VPS37B: variants seen among roughly 807,000 people sequenced by gnomAD.
The protein encoded by VPS37B is VPS37B subunit of ESCRT-I, also known as vacuolar protein sorting-associated protein 37B.
VPS37B carries 11 observed loss-of-function variants against 21.2 expected under a neutral mutation model. That is an observed-to-expected ratio of 0.52 (90% CI 0.33 to 0.86). The LOEUF (loss-of-function observed/expected upper bound fraction) is 0.86, where lower values mean the gene tolerates loss of function less well. VPS37B is among the 40% of genes least tolerant of loss of function. The probability of loss-of-function intolerance (pLI) is 0.03; values close to 1 mark genes in which losing one functional copy is unlikely to be tolerated. For synonymous variants in VPS37B, 175 were observed against 159.6 expected, an observed-to-expected ratio of 1.10 and a Z score of -0.73; for missense variants, 389 against 374.8, an observed-to-expected ratio of 1.04 and a Z score of -0.31.
chr12:122,871,975 C>G lies in VPS37B; in HGVS notation c.112-914G>C, dbSNP rs79799335. 17 of 985,298 alleles carry G rather than the reference C, an allele frequency of 1.7e-5. No individual in the cohort carries two copies. In the African/African-American group the frequency reaches 3.0e-4, roughly 17 times the overall value. The allele number at this position is 985,298 out of a possible 1,614,324, so 61.0% of individuals were successfully genotyped here. A position where few individuals can be genotyped will look rare whatever the true frequency, so the allele number is the denominator to read the frequency against. The stretch of plus-strand genomic sequence containing the variant: ...CCACACCGTCAGTTTCAACAGCATG[C>G]GATTCCTTACCCAGCGTGTGTCCCT... On this transcript the variant is annotated intron_variant, in intron 1 of 3. Transcript: ENST00000267202.
rs1035675009 is a variant in VPS37B at position 122,866,839 on chromosome 12, T to C, written c.*277A>G. 9 of 378,398 alleles carry C rather than the reference T, an allele frequency of 2.4e-5. No homozygotes were observed. Among genetic ancestry groups the C allele is most frequent in the Non-Finnish European group, 4.2e-5 (9 of 213,200 alleles). The allele number at this position is 378,398 out of a possible 1,614,324, so 23.4% of individuals were successfully genotyped here. A position where few individuals can be genotyped will look rare whatever the true frequency, so the allele number is the denominator to read the frequency against. ...GGAGAGGCCTATTTCTTCCCAAACA[T>C]GAGTTCATCAACGCTAAGATACTTA... On this transcript the variant is annotated 3_prime_UTR_variant, in exon 4 of 4. Transcript: ENST00000267202.
At chr12:122,869,547 G>A (rs2033981037) in intron 2 of VPS37B, among the ~76,000 whole-genome samples, 1 of 152,346 alleles carries the variant, frequency 6.6e-6, no homozygotes, top group Non-Finnish European at 1.5e-5. Flanking sequence ...AGTTAATGGA[G>A]AAAATGACAA....
In VPS37B at chr12:122,867,503, C is replaced by T. The variant is rs368745161; in HGVS notation, c.471G>A (p.Glu157=). The T allele has an allele frequency of 6.2e-7, 1 of 1,614,108 alleles. No individual in the cohort carries two copies. Among genetic ancestry groups the T allele is most frequent in the Admixed American group, 1.7e-5 (1 of 60,030 alleles). ...KLAHMRRVKI[E]KLQEMVLKGQ... is the part of the protein sequence containing the mutation. ...CCTTTAGGACCATCTCCTGGAGCTT[C>T]TCGATTTTCACCCGTCGCATGTGGG... The change falls in exon 4 of 4, where the codon GAG becomes GAA. Residue 157 remains glutamate, a synonymous_variant. Coordinates refer to ENST00000267202, the MANE Select transcript of VPS37B (RefSeq NM_024667.3). The surrounding 1 kb of genome is among the most constrained non-coding windows in gnomAD (Gnocchi z 5.5).
rs2033936302 is a variant in VPS37B at position 122,867,729 on chromosome 12, C to T, written c.367-122G>A. The T allele has an allele frequency of 4.6e-6, 6 of 1,311,706 alleles. No homozygotes were observed. Among genetic ancestry groups the T allele is most frequent in the South Asian group, 3.7e-5 (3 of 80,778 alleles). The allele number at this position is 1,311,706 out of a possible 1,614,324, so 81.3% of individuals were successfully genotyped here. ...CAACACTGCCCCCTCCCTGTAACCA[C>T]CCAGAGGGCCTCGCTCCTGCTCCAG... On this transcript the variant is annotated intron_variant, in intron 3 of 3. Coordinates refer to ENST00000267202, the MANE Select transcript of VPS37B (RefSeq NM_024667.3). This position sits in a 1 kb window ranked among gnomAD's most constrained non-coding sequence, Gnocchi z 5.5.
Position 122,867,636 on chromosome 12 carries a change from G to A in VPS37B, c.367-29C>T, listed in dbSNP as rs1416769941. On this transcript the variant is annotated intron_variant, in intron 3 of 3. Transcript: ENST00000267202. This position sits in a 1 kb window ranked among gnomAD's most constrained non-coding sequence, Gnocchi z 5.5. The stretch of plus-strand genomic sequence containing the variant: ...AAAGAGGCAGAAACCTGGTTACAGG[G>A]ACAGCCAGATGGGGAGGATGCTCCC... The A allele has an allele frequency of 6.2e-7, 1 of 1,606,734 alleles. No homozygotes were observed.
At chr12:122,891,751 C>T (rs2034414199) in intron 1 of VPS37B, among the ~76,000 whole-genome samples, 1 of 152,216 alleles carries the variant, frequency 6.6e-6, no homozygotes, top group Admixed American at 6.5e-5. Flanking sequence ...AAGGTCAATA[C>T]ATTTCAATGA....
rs776518751 is a variant in VPS37B at position 122,870,991 on chromosome 12, A to C, written c.182T>G (p.Leu61Trp). ...SNRSLAEGNL[L>W]YQPQLDTLKA... ...CAACGTGTCCAGCTGGGGCTGGTAC[A>C]AAAGGTTTCCTTCTGCCAGGCTCCG... The change falls in exon 2 of 4, where the codon TTG (leucine) becomes TGG (tryptophan). Residue 61 changes from leucine (L) to tryptophan (W), a missense_variant. Coordinates refer to ENST00000267202, the MANE Select transcript of VPS37B (RefSeq NM_024667.3). 2.1e-5 allele frequency: 34 copies of C among 1,614,110 alleles called. No homozygotes were observed. The highest frequency in any genetic ancestry group is 2.9e-5 in the Non-Finnish European group (34 of 1,180,038).
chr12:122,883,788 A>G (rs1012976269), intron 1 of VPS37B: 20 of 152,360 alleles, frequency 1.3e-4, no homozygotes, highest in African/African-American at 4.6e-4. Flanking sequence ...CAGAAGACAT[A>G]TTTTCTAATA....
At chr12:122,886,352 G>C (rs947717580) in intron 1 of VPS37B, 1 of 152,202 alleles carries the variant, frequency 6.6e-6, no homozygotes, top group African/African-American at 2.4e-5. Context: ...CCGGTGTGGT[G>C]GCTCACGCCT....
At chr12:122,876,030 T>G (rs1272862736) in intron 1 of VPS37B, 2 of 152,154 alleles carry the variant, frequency 1.3e-5, no homozygotes, top group Non-Finnish European at 2.9e-5. Context: ...TTCTTATAAA[T>G]TTACTCAGTT....
Position 122,867,059 on chromosome 12 carries a change from G to C in VPS37B, c.*57C>G. The C allele has an allele frequency of 1.4e-6, 2 of 1,463,518 alleles. No individual in the cohort carries two copies. The highest frequency in any genetic ancestry group is 1.8e-6 in the Non-Finnish European group (2 of 1,108,804). 90.7% of individuals were successfully genotyped at this position (1,463,518 alleles called of 1,614,324 possible). ...AGCGGACCTCCAGCCTCCTTCCCGT[G>C]AGCAGAGCACAACACGCCAGGTGGA... On this transcript the variant is annotated 3_prime_UTR_variant, in exon 4 of 4. Transcript: ENST00000267202. This position sits in a 1 kb window ranked among gnomAD's most constrained non-coding sequence, Gnocchi z 5.5.
At chr12:122,891,289 T>C (rs2034407234) in intron 1 of VPS37B, among the ~76,000 whole-genome samples, 1 of 152,188 alleles carries the variant, frequency 6.6e-6, no homozygotes, top group South Asian at 2.1e-4. Flanking sequence ...ATTCTGAAAA[T>C]TGCATCTTAA....
At chr12:122,869,797 C>A (rs940004229) in intron 2 of VPS37B, among the ~76,000 whole-genome samples, 5 of 151,794 alleles carry the variant, frequency 3.3e-5, no homozygotes, top group African/African-American at 7.3e-5. Flanking sequence ...GGCTGGAGTA[C>A]AGGGCTGCAA....
chr12:122,873,857 C>A (rs1310034765), intron 1 of VPS37B: 4 of 152,256 alleles, frequency 2.6e-5, no homozygotes, highest in African/African-American at 7.2e-5. Context: ...ACTTTGCACA[C>A]ATCTGCCACT....
At chr12:122,892,186 A>C (rs1210123000) in intron 1 of VPS37B, among the ~76,000 whole-genome samples, 2 of 152,248 alleles carry the variant, frequency 1.3e-5, no homozygotes, top group African/African-American at 4.8e-5. Flanking sequence ...CCTGCAGCAC[A>C]GACAAGAGAA....
intron 1 of VPS37B, chr12:122,888,250 T>C (rs2034356442): frequency 4.3e-6 from 1 of 233,794 alleles, no homozygotes; most frequent in Non-Finnish European, 8.9e-6. Context: ...AGCCTTCCCT[T>C]GACACACTGT....
At chr12:122,894,928 G>C (rs538069233) in intron 1 of VPS37B, among the ~76,000 whole-genome samples, 30 of 152,186 alleles carry the variant, frequency 2.0e-4, no homozygotes, top group African/African-American at 7.2e-4. Flanking sequence ...ACCTTCCTTA[G>C]TCCCAGACAC....
Position 122,867,091 on chromosome 12 carries a change from C to G in VPS37B, c.*25G>C. The G allele has an allele frequency of 6.7e-7, 1 of 1,499,576 alleles. No individual in the cohort carries two copies. The highest frequency in any genetic ancestry group is 2.3e-5 in the East Asian group (1 of 43,328). The allele number at this position is 1,499,576 out of a possible 1,614,324, so 92.9% of individuals were successfully genotyped here. A position where few individuals can be genotyped will look rare whatever the true frequency, so the allele number is the denominator to read the frequency against. On this transcript the variant is annotated 3_prime_UTR_variant, in exon 4 of 4. Coordinates refer to ENST00000267202, the MANE Select transcript of VPS37B (RefSeq NM_024667.3). The surrounding 1 kb of genome is among the most constrained non-coding windows in gnomAD (Gnocchi z 5.5). Reference sequence around the variant, plus strand: ...GCACAACACGCCAGGTGGAAGAAGTCTCCCGGGAAGGACCGCGCCGGCGCT... The same window carrying G: ...GCACAACACGCCAGGTGGAAGAAGTGTCCCGGGAAGGACCGCGCCGGCGCT...
At chr12:122,881,479 C>T (rs1024034601) in intron 1 of VPS37B, 1 of 152,288 alleles carries the variant, frequency 6.6e-6, no homozygotes, top group Non-Finnish European at 1.5e-5. Context: ...TGGCTCATGG[C>T]TGTAAACCCA....
Sources: allele counts gnomAD v4.1 joint callset (sites outside exome capture counted in the v4.1 genomes callset), GRCh38; gene constraint gnomAD v4.1.1; non-coding constraint Gnocchi (gnomAD v3.1); transcripts MANE v1.5; gene names NCBI Gene and HGNC (gene_info 2026-07-23, HGNC 2026-07-21).